ADGRL2: variants seen among roughly 807,000 people sequenced by gnomAD.
The protein encoded by ADGRL2 is adhesion G protein-coupled receptor L2.
A neutral mutation model predicts 157.4 loss-of-function variants in ADGRL2; 44 were observed. The observed-to-expected ratio is 0.28, with a 90% CI of 0.22 to 0.36. ADGRL2 has a LOEUF of 0.36. Among genes scored for constraint, ADGRL2 ranks in the 10% least tolerant of loss-of-function variants. The pLI is 1.00. For synonymous variants in ADGRL2, 585 were observed against 624.7 expected, an observed-to-expected ratio of 0.94 and a Z score of 0.95; for missense variants, 1,510 against 1,768.9, an observed-to-expected ratio of 0.85 and a Z score of 2.63.
At chr1:81,590,330 G>T (rs2081107421) in intron 3 of ADGRL2, among the ~76,000 whole-genome samples, 1 of 151,984 alleles carries the variant, frequency 6.6e-6, no homozygotes, top group African/African-American at 2.4e-5. Context: ...ACCCTTGTTG[G>T]TGACTCATCT....
At chr1:81,714,171 A>G (rs2084031351) in intron 1 of ADGRL2, among the ~76,000 whole-genome samples, 1 of 152,202 alleles carries the variant, frequency 6.6e-6, no homozygotes, top group Non-Finnish European at 1.5e-5. Flanking sequence ...TATGGGAGCT[A>G]CAATTCAAGA....
In ADGRL2 at chr1:81,691,781, G is replaced by A. The variant is rs184123022; in HGVS notation, c.-142-70030G>A. On this transcript the variant is annotated intron_variant, in intron 3 of 24. Transcript: ENST00000370721. ...CCCAAAGTTCTGGGATTACAGGTGT[G>A]AGCCACCATGCCCAGCCCTCTTTTT... is the stretch of plus-strand genomic sequence containing the variant. 6.4e-3 allele frequency among the ~76,000 whole-genome samples: 972 copies of A among 151,460 alleles called. 15 individuals are homozygous for A. Among genetic ancestry groups the A allele is most frequent in the African/African-American group, 0.023 (934 of 41,254 alleles).
At chr1:81,463,742 T>TA (rs1177689692) in intron 2 of ADGRL2, among the ~76,000 whole-genome samples, 7 of 152,186 alleles carry the variant, frequency 4.6e-5, no homozygotes, top group Non-Finnish European at 2.9e-5. Context: ...CTCAACTACT[T>TA]ACTTCACAAG....
chr1:81,511,987 T>A (rs963634892), intron 2 of ADGRL2, among the ~76,000 whole-genome samples: 2 of 152,162 alleles, frequency 1.3e-5, no homozygotes, highest in Non-Finnish European at 2.9e-5. Context: ...TAATGCTGTC[T>A]CTTTATCTGT....
At chr1:81,705,579 GC>G (rs1570898142) in intron 1 of ADGRL2, among the ~76,000 whole-genome samples, 1 of 151,866 alleles carries the variant, frequency 6.6e-6, no homozygotes, top group African/African-American at 2.4e-5. Flanking sequence ...AATTCCTGTA[GC>G]CAGGTCAGCC....
At position 81,953,017 on chromosome 1, in the gene ADGRL2, T is replaced by G; in HGVS notation, c.1825T>G (p.Tyr609Asp). 1 of 1,611,858 alleles carries G rather than the reference T, an allele frequency of 6.2e-7. No homozygotes were observed. The highest frequency in any genetic ancestry group is 8.5e-7 in the Non-Finnish European group (1 of 1,179,198). Residue 609 changes from tyrosine (Y) to aspartate (D), a missense_variant, in exon 10 of 24, where the codon TAC (tyrosine) becomes GAC (aspartate). Physicochemically the swap from Tyr to Asp is radical, Grantham distance 160. Transcript: ENST00000686636. Reference protein sequence around the residue: ...LQKREKTCRAYLKAIVDTVDN... With the variant: ...LQKREKTCRADLKAIVDTVDN... ...AAAACGAGAGAAGACATGCAGGGCT[T>G]ACCTTAAGGTATCTCTCCTGTGCTG...
At chr1:81,425,713 A>T (rs1462831207) in intron 1 of ADGRL2, among the ~76,000 whole-genome samples, 1 of 152,116 alleles carries the variant, frequency 6.6e-6, no homozygotes. Context: ...GGCTTTTGTC[A>T]ATTGCTTCAA....
intron 2 of ADGRL2, among the ~76,000 whole-genome samples, chr1:81,794,572 A>C (rs1422302576): frequency 2.0e-5 from 3 of 152,228 alleles, no homozygotes; most frequent in Non-Finnish European, 4.4e-5. Flanking sequence ...TTACTTAACA[A>C]AACCTTATCA....
At chr1:81,909,488 T>A (rs1208708596) in intron 3 of ADGRL2, among the ~76,000 whole-genome samples, 60 of 152,206 alleles carry the variant, frequency 3.9e-4, no homozygotes, top group Non-Finnish European at 1.5e-5. Context: ...AGGTAAAATA[T>A]CTTTTTACCA....
intron 2 of ADGRL2, among the ~76,000 whole-genome samples, chr1:81,491,301 C>G (rs962513113): frequency 6.6e-6 from 1 of 152,126 alleles, no homozygotes; most frequent in Non-Finnish European, 1.5e-5. Flanking sequence ...AGAACAGTAA[C>G]TAGCAGGAGG....
chr1:81,879,295 C>A (rs2093923539), intron 2 of ADGRL2, among the ~76,000 whole-genome samples: 1 of 151,540 alleles, frequency 6.6e-6, no homozygotes, highest in Admixed American at 6.6e-5. Flanking sequence ...AAAAAAAAAT[C>A]TCAGAATACT....
chr1:81,668,181 G>A (rs2082790863), intron 3 of ADGRL2, among the ~76,000 whole-genome samples: 1 of 152,004 alleles, frequency 6.6e-6, no homozygotes, highest in Admixed American at 6.6e-5. Context: ...CCAGCACTTT[G>A]GGGGGCGAAG....
chr1:81,499,828 G>T (rs1436211055), intron 2 of ADGRL2, among the ~76,000 whole-genome samples: 1 of 152,098 alleles, frequency 6.6e-6, no homozygotes, highest in African/African-American at 2.4e-5. Flanking sequence ...TTATTCTTAT[G>T]ACAGTAGGTA....
chr1:81,840,679 C>A (rs1266384563), intron 2 of ADGRL2, among the ~76,000 whole-genome samples: 1 of 151,974 alleles, frequency 6.6e-6, no homozygotes, highest in Non-Finnish European at 1.5e-5. Flanking sequence ...TTAAAGTTTA[C>A]CTGTTTCTGT....
intron 2 of ADGRL2, among the ~76,000 whole-genome samples, chr1:81,465,662 T>C (rs564276821): frequency 1.5e-4 from 23 of 152,338 alleles, no homozygotes; most frequent in South Asian, 1.0e-3. Context: ...CCTATGATGG[T>C]ATTTATAGTG....
chr1:81,890,676 G>A (rs2094238881), intron 2 of ADGRL2, among the ~76,000 whole-genome samples: 1 of 152,104 alleles, frequency 6.6e-6, no homozygotes, highest in African/African-American at 2.4e-5. Context: ...ACATCACGCA[G>A]GGGAAATGTA....
chr1:81,893,667 ACCGTGCTGTT>A (rs2094320166), intron 2 of ADGRL2, among the ~76,000 whole-genome samples: 1 of 152,170 alleles, frequency 6.6e-6, no homozygotes. Flanking sequence ...TGGTTCTGCT[ACCGTGCTGTT>A]CCTTAGTTCC....
chr1:81,872,286 G>C (rs2093718034), intron 2 of ADGRL2, among the ~76,000 whole-genome samples: 1 of 152,068 alleles, frequency 6.6e-6, no homozygotes, highest in Non-Finnish European at 1.5e-5. Context: ...TGTTCCATTG[G>C]TCTATATCTG....
chr1:81,730,244 GT>G (rs1163616019), intron 1 of ADGRL2, among the ~76,000 whole-genome samples: 1 of 152,046 alleles, frequency 6.6e-6, no homozygotes, highest in East Asian at 1.9e-4. Context: ...CATTTTAGAT[GT>G]TTTACATATT....
Sources: allele counts gnomAD v4.1 joint callset (sites outside exome capture counted in the v4.1 genomes callset), GRCh38; gene constraint gnomAD v4.1.1; transcripts MANE v1.5; gene names NCBI Gene and HGNC (gene_info 2026-07-23, HGNC 2026-07-21).